The following CREB5 variants were observed in gnomAD, a reference collection of about 807,000 sequenced individuals.
CREB5 encodes the protein cAMP responsive element binding protein 5, also known as cyclic AMP-responsive element-binding protein 5.
CREB5 carries 19 observed loss-of-function variants against 57.1 expected under a neutral mutation model. The observed-to-expected ratio is 0.33, with a 90% CI of 0.23 to 0.49. CREB5 has a LOEUF of 0.49. Among genes scored for constraint, CREB5 ranks in the 20% least tolerant of loss-of-function variants. The pLI is 0.99. For missense variants in CREB5, 579 were observed against 671.6 expected, an observed-to-expected ratio of 0.86 and a Z score of 1.52; for synonymous variants, 238 against 238.3, an observed-to-expected ratio of 1.00 and a Z score of 0.01.
intron 4 of CREB5, among the ~76,000 whole-genome samples, chr7:28,541,584 T>C (rs146216285): frequency 7.2e-5 from 11 of 152,276 alleles, no homozygotes; most frequent in African/African-American, 2.4e-4. Flanking sequence ...GGAGAATCAC[T>C]TGAACCCGGG....
chr7:28,399,288 A>G (rs1562691761), intron 1 of CREB5, among the ~76,000 whole-genome samples: 2 of 152,138 alleles, frequency 1.3e-5, no homozygotes, highest in East Asian at 3.9e-4. Flanking sequence ...TGGAAAAAAA[A>G]AAATCTACAA....
upstream of CREB5, chr7:28,410,414 A>C (rs1263695892): frequency 2.2e-6 from 1 of 456,754 alleles, no homozygotes; most frequent in East Asian, 6.9e-5. Flanking sequence ...TTCTCGGCAG[A>C]ATCACTTGAA....
rs78945056 is a variant in CREB5 at position 28,347,630 on chromosome 7, C to T, written c.-25+48189C>T. Among the ~76,000 whole-genome samples, 73 of 152,198 alleles carry T rather than the reference C, an allele frequency of 4.8e-4. No homozygotes were observed. In the East Asian group the frequency reaches 5.6e-3, roughly 12 times the overall value. On this transcript the variant is annotated intron_variant, in intron 1 of 9. Coordinates refer to the CREB5 transcript ENST00000396299. ...TTTCTAAATAATACTAACCCTGCCC[C>T]GCTCCCCACCCCAGAGTGTCCAGGT...
At position 28,812,141 on chromosome 7, in the gene CREB5, G is replaced by A. The variant is rs1273631389; in HGVS notation, c.1254+2727G>A. Among the ~76,000 whole-genome samples, 4 of 152,214 alleles carry A rather than the reference G, an allele frequency of 2.6e-5. No individual in the cohort carries two copies. The East Asian group carries it at 7.7e-4, about 29-fold the overall frequency. ...GGTGGTTGGGAAGGGAGGTTGGGTG[G>A]CAAAGTCAGCCTTAGTTGTAAACCA... On this transcript the variant is annotated intron_variant, in intron 9 of 10. Coordinates refer to ENST00000357727, the MANE Select transcript of CREB5 (RefSeq NM_182898.4).
intron 5 of CREB5, among the ~76,000 whole-genome samples, chr7:28,686,548 G>T (rs770182793): frequency 6.6e-6 from 1 of 152,112 alleles, no homozygotes; most frequent in African/African-American, 2.4e-5. Flanking sequence ...AGAGCGAAGC[G>T]AGAAAGAGCA....
At chr7:28,389,079 T>C (rs1400567073) in intron 1 of CREB5, among the ~76,000 whole-genome samples, 1 of 152,226 alleles carries the variant, frequency 6.6e-6, no homozygotes, top group Non-Finnish European at 1.5e-5. Flanking sequence ...TTAGGATTCA[T>C]ACAGGCATAG....
At chr7:28,491,101 G>A in intron 2 of CREB5, 1 of 540,954 alleles carries the variant, frequency 1.8e-6, no homozygotes, top group Non-Finnish European at 2.4e-6. Context: ...TGGGTGGTGA[G>A]GAAGCGGAGG....
intron 1 of CREB5, among the ~76,000 whole-genome samples, chr7:28,476,802 A>G (rs1791087015): frequency 6.6e-6 from 1 of 152,216 alleles, no homozygotes; most frequent in African/African-American, 2.4e-5. Context: ...ATTATGAGAA[A>G]TATTTAGCTG....
intron 5 of CREB5, among the ~76,000 whole-genome samples, chr7:28,679,699 G>A (rs552070294): frequency 2.6e-5 from 4 of 152,264 alleles, no homozygotes; most frequent in Non-Finnish European, 5.9e-5. Context: ...CCTGATTCCA[G>A]GGCCGGTAAC....
rs10696255 is a variant in CREB5, at chr7:28,660,381, G to GTTTTT, written c.465-58356_465-58352dup. Among the ~76,000 whole-genome samples, 979 of 119,220 alleles carry GTTTTT rather than the reference G, an allele frequency of 8.2e-3. 43 individuals carry two copies. The highest frequency in any genetic ancestry group is 0.03 in the African/African-American group (917 of 30,346). 78.2% of individuals were successfully genotyped at this position (119,220 alleles called of 152,430 possible). On this transcript the variant is annotated intron_variant, in intron 5 of 10. Coordinates refer to ENST00000357727, the MANE Select transcript of CREB5 (RefSeq NM_182898.4). ...CAAACTATCATCTATGCATTCAACA[G>GTTTTT]TTTTTTTTTTTTTTTTTTTTGAGCA...
At chr7:28,724,157 C>A in intron 6 of CREB5, 65 bp from the exon 7 acceptor site, 1 of 1,365,660 alleles carries the variant, frequency 7.3e-7, no homozygotes, top group Middle Eastern at 1.8e-4. Flanking sequence ...CAGAAAAGTG[C>A]AGCTTTGTCT....
chr7:28,395,313 C>T (rs1787313035), intron 1 of CREB5, among the ~76,000 whole-genome samples: 1 of 152,168 alleles, frequency 6.6e-6, no homozygotes, highest in African/African-American at 2.4e-5. Flanking sequence ...TTTCTTTCCA[C>T]ACTTGTTCTG....
At chr7:28,677,914 G>C (rs967264737) in intron 5 of CREB5, among the ~76,000 whole-genome samples, 1 of 151,860 alleles carries the variant, frequency 6.6e-6, no homozygotes, top group African/African-American at 2.4e-5. Flanking sequence ...GAGAGAAAGA[G>C]AGAGAGAAAG....
At chr7:28,356,846 G>A (rs924920206) in intron 1 of CREB5, among the ~76,000 whole-genome samples, 1 of 152,186 alleles carries the variant, frequency 6.6e-6, no homozygotes, top group Non-Finnish European at 1.5e-5. Context: ...GTCAGCCGGA[G>A]CTAAGTCACA....
chr7:28,820,395 T>A lies in CREB5; in HGVS notation c.*1116T>A, dbSNP rs1212327194. 1.3e-5 allele frequency: 2 copies of A among 150,514 alleles called. No homozygotes were observed. Among genetic ancestry groups the A allele is most frequent in the Non-Finnish European group, 3.0e-5 (2 of 67,754 alleles). The allele number at this position is 150,514 out of a possible 1,614,324, so 9.3% of individuals were successfully genotyped here. ...CAGATTACATTGTTCAATCATCAGC[T>A]GCTAATAGCCTAAGATTTATTTTTT... On this transcript the variant is annotated 3_prime_UTR_variant, in exon 11 of 11. Coordinates refer to ENST00000357727, the MANE Select transcript of CREB5 (RefSeq NM_182898.4).
At chr7:28,414,794 T>G (rs919242089) in intron 1 of CREB5, among the ~76,000 whole-genome samples, 2 of 152,254 alleles carry the variant, frequency 1.3e-5, no homozygotes, top group African/African-American at 4.8e-5. Context: ...ATTTTTTTTT[T>G]TATAAAAAGA....
rs1786579988 is a variant in CREB5 at position 28,366,050 on chromosome 7, C to T, written c.-25+66609C>T. Among the ~76,000 whole-genome samples the T allele has an allele frequency of 2.0e-5, 3 of 152,100 alleles. No individual in the cohort carries two copies. In the South Asian group the frequency reaches 6.2e-4, roughly 32 times the overall value. On this transcript the variant is annotated intron_variant, in intron 1 of 9. Transcript: ENST00000396299. ...ACCATAGAAATTTGATACCATAATT[C>T]GTGTAGAAAATACACAGCCTTCTTT... is the stretch of plus-strand genomic sequence containing the variant.
Position 28,712,662 on chromosome 7 carries a change from T to G in CREB5, c.465-6091T>G, listed in dbSNP as rs1201970322. Among the ~76,000 whole-genome samples the G allele has an allele frequency of 8.8e-5, 13 of 147,526 alleles. 2 individuals carry two copies. Among genetic ancestry groups the G allele is most frequent in the African/African-American group, 3.0e-4 (12 of 39,862 alleles). ...GACTCCTGTGCCTCAGCCTCCCGAG[T>G]AGCTGGGATTACAGGTGCCCACCAC... On this transcript the variant is annotated intron_variant, in intron 5 of 10. Transcript: ENST00000357727.
intron 7 of CREB5, among the ~76,000 whole-genome samples, chr7:28,752,054 T>C (rs555469259): frequency 9.2e-5 from 14 of 152,382 alleles, no homozygotes; most frequent in African/African-American, 2.6e-4. Context: ...TGGTCTGTCA[T>C]GTCAAAGGGT....
Sources: gnomAD v4.1 joint callset for allele counts (sites outside exome capture counted in the v4.1 genomes callset) on GRCh38, gnomAD v4.1.1 for gene constraint, MANE v1.5 for transcripts, NCBI Gene and HGNC (gene_info 2026-07-23, HGNC 2026-07-21) for gene names.